The following S100P variants were observed in gnomAD, a reference collection of about 807,000 sequenced individuals.
The protein encoded by S100P is protein S100-P.
In S100P, 7 loss-of-function variants were observed where a neutral mutation model predicts 4.7. The observed-to-expected ratio is 1.48, with a 90% CI of 0.84 to 2.77. The LOEUF (loss-of-function observed/expected upper bound fraction) is 2.77. S100P is among the 30% of genes most tolerant of loss of function. S100P has a pLI of 0.00. For missense variants in S100P, 122 were observed against 120.6 expected (o/e 1.01, Z -0.06); for synonymous variants, 48 against 49.0 (o/e 0.98, Z 0.08).
At position 6,697,025 on chromosome 4, in the gene S100P, A is replaced by C. The variant is rs890765106; in HGVS notation, c.271A>C (p.Lys91Gln). 1 of 1,613,304 alleles carries C rather than the reference A, an allele frequency of 6.2e-7. No homozygotes were observed. Among genetic ancestry groups the C allele is most frequent in the Non-Finnish European group, 8.5e-7 (1 of 1,179,420 alleles). The change falls in exon 2 of 2, where the codon AAG becomes CAG. Residue 91 changes from lysine (K) to glutamine (Q), a missense_variant. Lys to Gln is a moderately conservative substitution (Grantham distance 53). Transcript: ENST00000296370. ...GTCTGCCTGTCACAAGTACTTTGAGAAGGCAGGACTCAAATGATGCCCTGG... is the reference window on the plus strand; with the variant it reads ...GTCTGCCTGTCACAAGTACTTTGAGCAGGCAGGACTCAAATGATGCCCTGG... ...ITSACHKYFE[K>Q]AGLK
At position 6,697,035 on chromosome 4, in the gene S100P, T is replaced by A; in HGVS notation, c.281T>A (p.Leu94His). The A allele has an allele frequency of 6.2e-7, 1 of 1,612,406 alleles. No individual in the cohort carries two copies. Among genetic ancestry groups the A allele is most frequent in the Non-Finnish European group, 8.5e-7 (1 of 1,178,938 alleles). The change falls in exon 2 of 2, where the codon CTC becomes CAC. Residue 94 changes from leucine to histidine, a missense_variant. Leu to His is a moderately conservative substitution (Grantham distance 99). Coordinates refer to ENST00000296370, the MANE Select transcript of S100P (RefSeq NM_005980.3). ...ACHKYFEKAG[L>H]K is the part of the protein sequence containing the mutation. The stretch of plus-strand genomic sequence containing the variant: ...CACAAGTACTTTGAGAAGGCAGGAC[T>A]CAAATGATGCCCTGGAGATGTCACA...
intron 1 of S100P, 122 bp from the exon 2 acceptor site, chr4:6,696,771 C>CTCTGAG: frequency 1.2e-5 from 1 of 84,738 alleles, no homozygotes; most frequent in South Asian, 1.6e-4. Context: ...CTGGCCCTGG[C>CTCTGAG]CCTGACAGCA....
Position 6,693,947 on chromosome 4 carries a change from GAC to G in S100P, c.17_18del (p.Thr6SerfsTer50). The G allele has an allele frequency of 1.9e-6, 3 of 1,614,174 alleles. No homozygotes were observed. The highest frequency in any genetic ancestry group is 2.2e-5 in the South Asian group (2 of 91,086). ...AATCTAGCACCATGACGGAACTAGA[GAC>G]AGCCATGGGCATGATCATAGACGTC... MTELETAMGMIIDVFS... is the reference protein window; with the variant it reads MTELEXAMGMIIDVFS... On this transcript the variant is annotated frameshift_variant, in exon 1 of 2. Transcript: ENST00000296370. LOFTEE classifies it high-confidence loss of function.
chr4:6,696,042 A>C (rs914945846), intron 1 of S100P, among the ~76,000 whole-genome samples: 12 of 152,218 alleles, frequency 7.9e-5, no homozygotes, highest in African/African-American at 2.9e-4. Context: ...GTCTTCATGC[A>C]CACAGTTGTG....
Position 6,693,904 on chromosome 4 carries a change from A to C in S100P, c.-29A>C. The C allele has an allele frequency of 6.2e-7, 1 of 1,613,918 alleles. No homozygotes were observed. Among genetic ancestry groups the C allele is most frequent in the Non-Finnish European group, 8.5e-7 (1 of 1,179,920 alleles). ...CATTTTCTCGGCCCTGCCAGCCCCC[A>C]GGAGGAAGGTGGGTCTGAATCTAGC... On this transcript the variant is annotated 5_prime_UTR_variant, in exon 1 of 2. Coordinates refer to ENST00000296370, the MANE Select transcript of S100P (RefSeq NM_005980.3).
rs1297524989 is a variant in S100P at position 6,696,948 on chromosome 4, G to A, written c.194G>A (p.Gly65Glu). The A allele has an allele frequency of 6.2e-7, 1 of 1,613,676 alleles. No homozygotes were observed. The highest frequency in any genetic ancestry group is 1.7e-5 in the Admixed American group (1 of 60,028). Residue 65 changes from glycine to glutamate, a missense_variant, in exon 2 of 2, where the codon GGA (glycine) becomes GAA (glutamate). By Grantham distance (98) the Gly-to-Glu change is moderately conservative (BLOSUM62 -2). Transcript: ENST00000296370. ...TTGCTCAAGGACCTGGACGCCAATG[G>A]AGATGCCCAGGTGGACTTCAGTGAG... is the stretch of plus-strand genomic sequence containing the variant. Reference protein sequence around the residue: ...DKLLKDLDANGDAQVDFSEFI... With the variant: ...DKLLKDLDANEDAQVDFSEFI...
At position 6,693,915 on chromosome 4, in the gene S100P, G is replaced by A. The variant is rs764600778; in HGVS notation, c.-18G>A. ...CCCTGCCAGCCCCCAGGAGGAAGGT[G>A]GGTCTGAATCTAGCACCATGACGGA... On this transcript the variant is annotated 5_prime_UTR_variant, in exon 1 of 2. Coordinates refer to ENST00000296370, the MANE Select transcript of S100P (RefSeq NM_005980.3). 1 of 1,614,080 alleles carries A rather than the reference G, an allele frequency of 6.2e-7. No individual in the cohort carries two copies. Among genetic ancestry groups the A allele is most frequent in the South Asian group, 1.1e-5 (1 of 91,080 alleles).
At chr4:6,696,455 T>C (rs967711495) in intron 1 of S100P, among the ~76,000 whole-genome samples, 1 of 152,306 alleles carries the variant, frequency 6.6e-6, no homozygotes, top group African/African-American at 2.4e-5. Context: ...TCTGGTGGTG[T>C]TGAGGAGTTC....
rs766298645 is a variant in S100P at position 6,694,082 on chromosome 4, C to A, written c.138+12C>A. 6.2e-7 allele frequency: 1 copy of A among 1,603,190 alleles called. No homozygotes were observed. The highest frequency in any genetic ancestry group is 8.5e-7 in the Non-Finnish European group (1 of 1,174,484). ...CAGGCTTCCTGCAGGTGAGCCAGGC[C>A]GGCAGTGCTGGACTCAGCGGGGGCT... On this transcript the variant is annotated intron_variant, in intron 1 of 1. Coordinates refer to ENST00000296370, the MANE Select transcript of S100P (RefSeq NM_005980.3).
At chr4:6,695,218 G>C (rs1049923338) in intron 1 of S100P, among the ~76,000 whole-genome samples, 1 of 152,094 alleles carries the variant, frequency 6.6e-6, no homozygotes, top group Non-Finnish European at 1.5e-5. Flanking sequence ...CGTCAGCCTC[G>C]ACATCTCAAA....
intron 1 of S100P, among the ~76,000 whole-genome samples, chr4:6,695,639 T>A (rs531595033): frequency 1.4e-4 from 22 of 152,216 alleles, no homozygotes; most frequent in Non-Finnish European, 2.8e-4. Flanking sequence ...CAGGCACAGG[T>A]GTCCTGGGAA....
At chr4:6,696,625 A>G (rs556362689) in intron 1 of S100P, among the ~76,000 whole-genome samples, 4 of 152,372 alleles carry the variant, frequency 2.6e-5, no homozygotes, top group Middle Eastern at 3.4e-3. Flanking sequence ...CAAAAACTCA[A>G]AATGAAACTC....
intron 1 of S100P, 84 bp from the exon 2 acceptor site, chr4:6,696,809 T>G: frequency 7.2e-7 from 1 of 1,387,950 alleles, no homozygotes. Context: ...GGTGCCCTGC[T>G]CCTGCCCAGC....
chr4:6,696,419 TG>T (rs1714374175), intron 1 of S100P, among the ~76,000 whole-genome samples: 1 of 152,206 alleles, frequency 6.6e-6, no homozygotes, highest in Non-Finnish European at 1.5e-5. Flanking sequence ...CATCTTCATC[TG>T]TAACAGGGCG....
chr4:6,695,680 G>T (rs1714355941), intron 1 of S100P, among the ~76,000 whole-genome samples: 1 of 152,180 alleles, frequency 6.6e-6, no homozygotes, highest in Non-Finnish European at 1.5e-5. Flanking sequence ...CAAAGCTGGG[G>T]GTCCAGCTAA....
At chr4:6,694,947 C>T (rs1177354418) in intron 1 of S100P, among the ~76,000 whole-genome samples, 1 of 150,578 alleles carries the variant, frequency 6.6e-6, no homozygotes, top group Non-Finnish European at 1.5e-5. Context: ...CAGAATATTG[C>T]TTCTATTTTC....
At chr4:6,696,552 G>A (rs955462230) in intron 1 of S100P, among the ~76,000 whole-genome samples, 3 of 152,220 alleles carry the variant, frequency 2.0e-5, no homozygotes, top group African/African-American at 7.2e-5. Flanking sequence ...GCAAAGACTG[G>A]ATGCATTTCC....
intron 1 of S100P, 46 bp from the exon 2 acceptor site, chr4:6,696,847 T>G (rs760432220): frequency 3.8e-6 from 6 of 1,578,876 alleles, no homozygotes; most frequent in Non-Finnish European, 5.2e-6. Context: ...GCTGAGGCCC[T>G]GCACAGGCAC....
At chr4:6,695,934 C>T (rs954004354) in intron 1 of S100P, among the ~76,000 whole-genome samples, 4 of 152,206 alleles carry the variant, frequency 2.6e-5, no homozygotes, top group African/African-American at 4.8e-5. Context: ...TTGAAATGGC[C>T]GCAGGGTATT....
Sources: allele counts gnomAD v4.1 joint callset (sites outside exome capture counted in the v4.1 genomes callset), GRCh38; gene constraint gnomAD v4.1.1; transcripts MANE v1.5; gene names NCBI Gene and HGNC (gene_info 2026-07-23, HGNC 2026-07-21).